RTEL1: variants seen among roughly 807,000 people sequenced by gnomAD.
The protein encoded by RTEL1 is regulator of telomere elongation helicase 1.
A neutral mutation model predicts 162.2 loss-of-function variants in RTEL1; 86 were observed. That is an observed-to-expected ratio of 0.53 (90% CI 0.45 to 0.63). RTEL1 has a LOEUF of 0.63. Among genes scored for constraint, RTEL1 ranks in the 30% least tolerant of loss-of-function variants. RTEL1 has a pLI of 0.00. For synonymous variants in RTEL1, 958 were observed against 717.9 expected (o/e 1.33, Z -5.35); for missense variants, 1,941 against 1,750.2 (o/e 1.11, Z -1.95).
At chr20:63,694,304 G>GCCCCCCCCCC in intron 30 of RTEL1, 68 bp from the exon 31 acceptor site, 2 of 813,000 alleles carry the variant, frequency 2.5e-6, no homozygotes, top group Non-Finnish European at 2.1e-6. Flanking sequence ...AGCCAGCCCT[G>GCCCCCCCCCC]CCCCCCCACC....
intron 27 of RTEL1, 25 bp downstream of exon 27, chr20:63,690,972 G>A (rs1292260967): frequency 6.5e-7 from 1 of 1,538,468 alleles, no homozygotes; most frequent in East Asian, 2.5e-5. Context: ...CCTTGGGATG[G>A]ACACAGACCC....
At chr20:63,684,659 A>C (rs188584923) in intron 14 of RTEL1, among the ~76,000 whole-genome samples, 56 of 151,794 alleles carry the variant, frequency 3.7e-4, no homozygotes, top group Non-Finnish European at 6.5e-4. Flanking sequence ...TTTTAGTAGA[A>C]ATGGGGTTTT....
chr20:63,693,432 A>G, intron 30 of RTEL1, 149 bp downstream of exon 30: 1 of 842,050 alleles, frequency 1.2e-6, no homozygotes, highest in Non-Finnish European at 1.8e-6. Context: ...CTCCACCTCC[A>G]CCACCAGCAC....
intron 31 of RTEL1, 37 bp downstream of exon 31, chr20:63,694,525 G>C (rs1192851184): frequency 1.3e-6 from 2 of 1,507,976 alleles, no homozygotes; most frequent in South Asian, 1.2e-5. Context: ...CCTACGACTT[G>C]GTGGGTCCCT....
chr20:63,693,495 ACCTCCACCACCACCTCCT>A lies in RTEL1; in HGVS notation c.2992+215_2992+232del, dbSNP rs1568720326. Among the ~76,000 whole-genome samples the A allele has an allele frequency of 0.092, 4,659 of 50,434 alleles. 822 individuals are homozygous for A. Among genetic ancestry groups the A allele is most frequent in the East Asian group, 0.17 (314 of 1,850 alleles). The allele number at this position is 50,434 out of a possible 152,430, so 33.1% of individuals were successfully genotyped here. Reference sequence around the variant, plus strand: ...CACCTCCACCTCCACCACCACCTCCACCTCCACCACCACCTCCTCCACCACCACCACCTCCACCACCAC... The same window carrying A: ...CACCTCCACCTCCACCACCACCTCCACCACCACCACCACCTCCACCACCAC... On this transcript the variant is annotated intron_variant, in intron 30 of 34. Transcript: ENST00000360203.
rs753432067 is a variant in RTEL1, at chr20:63,666,087, C to G, written c.614+8C>G. 6.2e-7 allele frequency: 1 copy of G among 1,612,838 alleles called. No homozygotes were observed. Among genetic ancestry groups the G allele is most frequent in the Admixed American group, 1.7e-5 (1 of 59,988 alleles). ...GAGCGGAAGCAAGCACAGGTGAGAC[C>G]CCTCAGTGAGGCCACGACCACTGTC... On this transcript the variant is annotated splice_region_variant and intron_variant, in intron 7 of 34. Coordinates refer to ENST00000360203, the MANE Select transcript of RTEL1 (RefSeq NM_001283009.2).
At chr20:63,674,126 GC>G in intron 10 of RTEL1, 33 bp downstream of exon 10, 1 of 1,573,324 alleles carries the variant, frequency 6.4e-7, no homozygotes, top group South Asian at 1.2e-5. Context: ...TGGTCCTGAG[GC>G]CTGCGCTGCT....
chr20:63,667,398 AG>A, intron 7 of RTEL1, 70 bp from the exon 8 acceptor site: 1 of 1,230,232 alleles, frequency 8.1e-7, no homozygotes, highest in Non-Finnish European at 1.2e-6. Context: ...CCGGGTCAGA[AG>A]ACATGGCGGC....
intron 14 of RTEL1, chr20:63,681,915 G>A: frequency 3.0e-6 from 3 of 985,398 alleles, no homozygotes; most frequent in Non-Finnish European, 3.6e-6. Context: ...CCTGCCAAGG[G>A]CTGCTGTGCT....
At chr20:63,690,973 A>G (rs1367602617) in intron 27 of RTEL1, 26 bp downstream of exon 27, 1 of 1,537,166 alleles carries the variant, frequency 6.5e-7, no homozygotes, top group Non-Finnish European at 8.8e-7. Context: ...CTTGGGATGG[A>G]CACAGACCCT....
chr20:63,683,865 C>T (rs1439281555), intron 14 of RTEL1, among the ~76,000 whole-genome samples: 1 of 152,186 alleles, frequency 6.6e-6, no homozygotes, highest in Admixed American at 6.5e-5. Context: ...ATCCCATATA[C>T]ATATACTCTC....
intron 16 of RTEL1, chr20:63,686,167 G>A (rs1432775912): frequency 8.1e-6 from 4 of 494,112 alleles, no homozygotes; most frequent in South Asian, 2.1e-5. Context: ...CGTTTATGCC[G>A]AGGCCGTCAG....
chr20:63,693,369 C>A (rs940497539), intron 30 of RTEL1, 86 bp downstream of exon 30: 1 of 1,533,910 alleles, frequency 6.5e-7, no homozygotes, highest in African/African-American at 1.4e-5. Context: ...GGTGGGCATC[C>A]TCGGGCCCTG....
At chr20:63,659,145 C>G in intron 1 of RTEL1, 88 bp from the exon 2 acceptor site, 1 of 507,892 alleles carries the variant, frequency 2.0e-6, no homozygotes, top group Non-Finnish European at 3.6e-6. Context: ...CCAACCCTCT[C>G]CGCAGGAGGG....
Position 63,694,892 on chromosome 20 carries a change from G to A in RTEL1, c.3261G>A (p.Lys1087=), listed in dbSNP as rs200684186. The part of the protein sequence containing the change: ...SQLLAALTAY[K]QDDDLDKVLA... ...TCTTGGCAGCGCTGACAGCCTATAA[G>A]CAAGACGACGACCTCGACAAGGTGC... Residue 1087 remains lysine, a synonymous_variant, in exon 32 of 35, where the codon AAG becomes AAA. Transcript: ENST00000360203. 6.2e-7 allele frequency: 1 copy of A among 1,612,658 alleles called. No homozygotes were observed. The highest frequency in any genetic ancestry group is 1.1e-5 in the South Asian group (1 of 91,086).
intron 33 of RTEL1, 39 bp downstream of exon 33, chr20:63,695,260 C>G (rs754073881): frequency 1.2e-6 from 2 of 1,606,580 alleles, no homozygotes; most frequent in Non-Finnish European, 1.7e-6. Flanking sequence ...AGCGCCCCAA[C>G]CGCACGCAGC....
intron 21 of RTEL1, 40 bp downstream of exon 21, chr20:63,688,645 G>T (rs201714226): frequency 5.4e-5 from 84 of 1,560,450 alleles, no homozygotes; most frequent in Admixed American, 5.5e-5. Flanking sequence ...CTGCCCCCTC[G>T]TGCCTCCCCT....
In RTEL1 at chr20:63,672,561, C is replaced by T. The variant is rs758562350; in HGVS notation, c.705C>T (p.Arg235=). 27 of 1,580,318 alleles carry T rather than the reference C, an allele frequency of 1.7e-5. No individual in the cohort carries two copies. In the Admixed American group the frequency reaches 4.9e-4, roughly 28 times the overall value. Residue 235 remains arginine, a synonymous_variant, in exon 9 of 35, where the codon CGC becomes CGT. Coordinates refer to ENST00000360203, the MANE Select transcript of RTEL1 (RefSeq NM_001283009.2). ...PYNYLLDAKS[R]RAHNIDLKGT... ...CCCTTCTCTTCCTCCTGTAGAGCCG[C>T]AGAGCACACAACATTGACCTGAAGG...
chr20:63,687,622 G>T lies in RTEL1; in HGVS notation c.1349-16G>T. The T allele has an allele frequency of 1.3e-6, 2 of 1,594,066 alleles. No homozygotes were observed. Among genetic ancestry groups the T allele is most frequent in the Non-Finnish European group, 8.5e-7 (1 of 1,171,074 alleles). ...GTCCTCACACTCTGTGCCCTCTGCC[G>T]CCCCCCGCCCCACAGGGAAGGTGCT... On this transcript the variant is annotated splice_polypyrimidine_tract_variant and intron_variant, in intron 16 of 34. Transcript: ENST00000360203.
Sources: gnomAD v4.1 joint callset for allele counts (sites outside exome capture counted in the v4.1 genomes callset) on GRCh38, gnomAD v4.1.1 for gene constraint, MANE v1.5 for transcripts, NCBI Gene and HGNC (gene_info 2026-07-23, HGNC 2026-07-21) for gene names.